TFAP2C: variants seen among roughly 807,000 people sequenced by gnomAD.
The protein encoded by TFAP2C is activating enhancer-binding protein 2 gamma.
A neutral mutation model predicts 42.9 loss-of-function variants in TFAP2C; 9 were observed. The ratio of observed to expected loss-of-function variants is 0.21; its 90% CI spans 0.13 to 0.37. The LOEUF (loss-of-function observed/expected upper bound fraction) is 0.37, where lower values mean the gene tolerates loss of function less well. Among genes scored for constraint, TFAP2C ranks in the 10% least tolerant of loss-of-function variants. The probability of loss-of-function intolerance (pLI) is 1.00; values close to 1 mark genes in which losing one functional copy is unlikely to be tolerated. For missense variants in TFAP2C, 462 were observed against 591.7 expected (o/e 0.78, Z 2.27); for synonymous variants, 264 against 256.0 (o/e 1.03, Z -0.30).
At position 56,638,204 on chromosome 20, in the gene TFAP2C, A is replaced by G. The variant is rs756050991; in HGVS notation, c.*191A>G. ...TTAGTTGTTTCTCTAGCGCTGAGCTATCTCCTAACTTTGGACCTATTATCA... is the reference window on the plus strand; with the variant it reads ...TTAGTTGTTTCTCTAGCGCTGAGCTGTCTCCTAACTTTGGACCTATTATCA... On this transcript the variant is annotated 3_prime_UTR_variant, in exon 7 of 7. Transcript: ENST00000201031. The G allele has an allele frequency of 5.8e-5, 33 of 572,724 alleles. No homozygotes were observed. The highest frequency in any genetic ancestry group is 8.2e-5 in the Non-Finnish European group (27 of 327,648). 35.5% of individuals were successfully genotyped at this position (572,724 alleles called of 1,614,324 possible). A position where few individuals can be genotyped will look rare whatever the true frequency, so the allele number is the denominator to read the frequency against.
rs1987501718 is a variant in TFAP2C, at chr20:56,631,941, G to A, written c.586+85G>A. The A allele has an allele frequency of 6.8e-7, 1 of 1,468,300 alleles. No individual in the cohort carries two copies. The highest frequency in any genetic ancestry group is 1.4e-5 in the African/African-American group (1 of 72,096). The allele number at this position is 1,468,300 out of a possible 1,614,324, so 91.0% of individuals were successfully genotyped here. ...CTGGCAAGGTTGGGGGTATTTGGTG[G>A]CCAGCGTGGGACATTTGTGGTAGAA... On this transcript the variant is annotated intron_variant, in intron 3 of 6. Coordinates refer to ENST00000201031, the MANE Select transcript of TFAP2C (RefSeq NM_003222.4). The surrounding 1 kb of genome is among the most constrained non-coding windows in gnomAD (Gnocchi z 6.1).
chr20:56,633,233 C>T (rs539712483), intron 3 of TFAP2C, 120 bp from the exon 4 acceptor site: 29 of 701,828 alleles, frequency 4.1e-5, no homozygotes, highest in Admixed American at 1.9e-4. Flanking sequence ...TGCAGTTGAT[C>T]GTGGGGTGTG....
rs1987475329 is a variant in TFAP2C at position 56,630,867 on chromosome 20, G to A, written c.49-338G>A. The A allele has an allele frequency of 7.1e-6, 7 of 985,260 alleles. No homozygotes were observed. In the South Asian group the frequency reaches 1.4e-4, roughly 20 times the overall value. 61.0% of individuals were successfully genotyped at this position (985,260 alleles called of 1,614,324 possible). On this transcript the variant is annotated intron_variant, in intron 1 of 6. Coordinates refer to ENST00000201031, the MANE Select transcript of TFAP2C (RefSeq NM_003222.4). This position sits in a 1 kb window ranked among gnomAD's most constrained non-coding sequence, Gnocchi z 5.1. Reference sequence around the variant, plus strand: ...CCGGGCTCTGGCTCCTTCGCCCCGGGCTCCGGCCACGGACTTTTCTGGCCC... The same window carrying A: ...CCGGGCTCTGGCTCCTTCGCCCCGGACTCCGGCCACGGACTTTTCTGGCCC...
chr20:56,632,098 TGAA>T (rs1987504571), intron 3 of TFAP2C, among the ~76,000 whole-genome samples: 1 of 152,216 alleles, frequency 6.6e-6, no homozygotes, highest in Admixed American at 6.5e-5. Flanking sequence ...AAAATGTCCA[TGAA>T]TTCCAGTGGG....
intron 3 of TFAP2C, among the ~76,000 whole-genome samples, chr20:56,632,640 A>G (rs1469027499): frequency 6.6e-6 from 1 of 152,216 alleles, no homozygotes; most frequent in Admixed American, 6.5e-5. Context: ...CTTAGAACGT[A>G]TTAGTTTGGA....
rs775454367 is a variant in TFAP2C at position 56,631,191 on chromosome 20, T to A, written c.49-14T>A. ...CGCACTAACGGGGTCTCCTGTTTTT[T>A]TTTTTCCCTCCAGGATCGCCACGAC... On this transcript the variant is annotated splice_polypyrimidine_tract_variant and intron_variant, in intron 1 of 6. Transcript: ENST00000201031. This position sits in a 1 kb window ranked among gnomAD's most constrained non-coding sequence, Gnocchi z 6.1. 6.7e-7 allele frequency: 1 copy of A among 1,496,666 alleles called. No homozygotes were observed. The highest frequency in any genetic ancestry group is 8.9e-7 in the Non-Finnish European group (1 of 1,126,182). The allele number at this position is 1,496,666 out of a possible 1,614,324, so 92.7% of individuals were successfully genotyped here. A position where few individuals can be genotyped will look rare whatever the true frequency, so the allele number is the denominator to read the frequency against.
In TFAP2C at chr20:56,629,424, C is replaced by T. The variant is rs1987440523; in HGVS notation, c.-121C>T. 1.1e-5 allele frequency: 10 copies of T among 883,648 alleles called. No homozygotes were observed. Among genetic ancestry groups the T allele is most frequent in the Middle Eastern group, 2.6e-4 (1 of 3,832 alleles). 54.7% of individuals were successfully genotyped at this position (883,648 alleles called of 1,614,324 possible). A position where few individuals can be genotyped will look rare whatever the true frequency, so the allele number is the denominator to read the frequency against. On this transcript the variant is annotated 5_prime_UTR_variant, in exon 1 of 7. Transcript: ENST00000201031. The surrounding 1 kb of genome is among the most constrained non-coding windows in gnomAD (Gnocchi z 5.9). Reference sequence around the variant, plus strand: ...GTCCAGTGACCCGGACAGCAAGGCCCGCGCGCGGCGGGGGCGGCGGCAGAC... The same window carrying T: ...GTCCAGTGACCCGGACAGCAAGGCCTGCGCGCGGCGGGGGCGGCGGCAGAC...
Position 56,631,498 on chromosome 20 carries a change from G to A in TFAP2C, c.342G>A (p.Leu114=). The part of the protein sequence containing the change: ...PGRQSQEGAG[L]PSHHGRPAGL... Reference sequence around the variant, plus strand: ...GCCAGAGCCAGGAGGGAGCGGGGCTGCCCTCGCACCACGGGCGCCCGGCCG... The same window carrying A: ...GCCAGAGCCAGGAGGGAGCGGGGCTACCCTCGCACCACGGGCGCCCGGCCG... The change falls in exon 2 of 7, where the codon CTG becomes CTA. Residue 114 remains leucine (L), a synonymous_variant. Coordinates refer to ENST00000201031, the MANE Select transcript of TFAP2C (RefSeq NM_003222.4). The surrounding 1 kb of genome is among the most constrained non-coding windows in gnomAD (Gnocchi z 6.1). The A allele has an allele frequency of 6.6e-7, 1 of 1,507,628 alleles. No individual in the cohort carries two copies. Among genetic ancestry groups the A allele is most frequent in the Non-Finnish European group, 8.8e-7 (1 of 1,134,692 alleles). The allele number at this position is 1,507,628 out of a possible 1,614,324, so 93.4% of individuals were successfully genotyped here.
intron 5 of TFAP2C, among the ~76,000 whole-genome samples, chr20:56,634,813 A>T (rs1344966813): frequency 6.6e-6 from 1 of 152,232 alleles, no homozygotes; most frequent in Non-Finnish European, 1.5e-5. Flanking sequence ...CCCACGCACA[A>T]GTTCCTCTTG....
At chr20:56,634,438 C>G (rs951996496) in intron 5 of TFAP2C, among the ~76,000 whole-genome samples, 170 bp downstream of exon 5, 2 of 152,176 alleles carry the variant, frequency 1.3e-5, no homozygotes, top group South Asian at 2.1e-4. Context: ...TTAATTTTAT[C>G]GAATAAGTTA....
intron 6 of TFAP2C, 114 bp downstream of exon 6, chr20:56,636,868 T>G (rs1987592562): frequency 1.1e-5 from 15 of 1,314,028 alleles, no homozygotes; most frequent in Non-Finnish European, 1.5e-5. Context: ...TGAAATAAAT[T>G]AGGGTGGAGC....
At position 56,629,442 on chromosome 20, in the gene TFAP2C, C is replaced by T. The variant is rs1600895605; in HGVS notation, c.-103C>T. 8 of 1,085,064 alleles carry T rather than the reference C, an allele frequency of 7.4e-6. No homozygotes were observed. Among genetic ancestry groups the T allele is most frequent in the South Asian group, 2.9e-5 (1 of 34,974 alleles). The allele number at this position is 1,085,064 out of a possible 1,614,324, so 67.2% of individuals were successfully genotyped here. A position where few individuals can be genotyped will look rare whatever the true frequency, so the allele number is the denominator to read the frequency against. Reference sequence around the variant, plus strand: ...CAAGGCCCGCGCGCGGCGGGGGCGGCGGCAGACGCCTGGTCACCGTGACCC... The same window carrying T: ...CAAGGCCCGCGCGCGGCGGGGGCGGTGGCAGACGCCTGGTCACCGTGACCC... On this transcript the variant is annotated 5_prime_UTR_variant, in exon 1 of 7. Transcript: ENST00000201031. The surrounding 1 kb of genome is among the most constrained non-coding windows in gnomAD (Gnocchi z 5.9).
chr20:56,630,561 C>T lies in TFAP2C; in HGVS notation c.49-644C>T, dbSNP rs1987468124. Among the ~76,000 whole-genome samples the T allele has an allele frequency of 6.6e-6, 1 of 152,156 alleles. No individual in the cohort carries two copies. Among genetic ancestry groups the T allele is most frequent in the Admixed American group, 6.5e-5 (1 of 15,292 alleles). ...TGCAGGGCGCCCCCACTTATTACTC[C>T]CCTCGGCTGGGCCCGGCCAGCAGGG... On this transcript the variant is annotated intron_variant, in intron 1 of 6. Coordinates refer to ENST00000201031, the MANE Select transcript of TFAP2C (RefSeq NM_003222.4). This position sits in a 1 kb window ranked among gnomAD's most constrained non-coding sequence, Gnocchi z 5.1.
At position 56,630,039 on chromosome 20, in the gene TFAP2C, C is replaced by G. The variant is rs1011060640; in HGVS notation, c.48+447C>G. On this transcript the variant is annotated intron_variant, in intron 1 of 6. Transcript: ENST00000201031. The surrounding 1 kb of genome is among the most constrained non-coding windows in gnomAD (Gnocchi z 5.1). Reference sequence around the variant, plus strand: ...GCCCCGCTACCTCCTCGGGGAAGCACGAAAACAACCGAAGTTTGGCTTTCA... The same window carrying G: ...GCCCCGCTACCTCCTCGGGGAAGCAGGAAAACAACCGAAGTTTGGCTTTCA... 2.0e-5 allele frequency among the ~76,000 whole-genome samples: 3 copies of G among 152,038 alleles called. No individual in the cohort carries two copies. The highest frequency in any genetic ancestry group is 4.4e-5 in the Non-Finnish European group (3 of 68,014).
rs1451503057 is a variant in TFAP2C at position 56,630,057 on chromosome 20, G to C, written c.48+465G>C. Among the ~76,000 whole-genome samples the C allele has an allele frequency of 5.3e-5, 8 of 152,150 alleles. No homozygotes were observed. The highest frequency in any genetic ancestry group is 1.7e-4 in the African/African-American group (7 of 41,452). ...GGAAGCACGAAAACAACCGAAGTTT[G>C]GCTTTCAAAAGAAGTGGGGGCTGGG... is the stretch of plus-strand genomic sequence containing the variant. On this transcript the variant is annotated intron_variant, in intron 1 of 6. Coordinates refer to ENST00000201031, the MANE Select transcript of TFAP2C (RefSeq NM_003222.4). The surrounding 1 kb of genome is among the most constrained non-coding windows in gnomAD (Gnocchi z 5.1).
intron 4 of TFAP2C, 136 bp downstream of exon 4, chr20:56,633,705 TTTC>T: frequency 1.4e-6 from 1 of 689,720 alleles, no homozygotes; most frequent in Non-Finnish European, 2.5e-6. Context: ...TTTTAGTACA[TTTC>T]TTCTCCTTTA....
Position 56,630,345 on chromosome 20 carries a change from A to C in TFAP2C, c.48+753A>C, listed in dbSNP as rs1402455232. On this transcript the variant is annotated intron_variant, in intron 1 of 6. Transcript: ENST00000201031. This position sits in a 1 kb window ranked among gnomAD's most constrained non-coding sequence, Gnocchi z 5.1. Reference sequence around the variant, plus strand: ...GCCCGCAGGCCCGGGCGCTTCCGCCAGGAGGCGACAGCGCCATGTTCCTCC... The same window carrying C: ...GCCCGCAGGCCCGGGCGCTTCCGCCCGGAGGCGACAGCGCCATGTTCCTCC... 2 of 450,164 alleles carry C rather than the reference A, an allele frequency of 4.4e-6. No homozygotes were observed. The highest frequency in any genetic ancestry group is 1.6e-5 in the South Asian group (1 of 63,044). 27.9% of individuals were successfully genotyped at this position (450,164 alleles called of 1,614,324 possible).
In TFAP2C at chr20:56,638,171, T is replaced by C. The variant is rs1168654339; in HGVS notation, c.*158T>C. 1 of 662,040 alleles carries C rather than the reference T, an allele frequency of 1.5e-6. No individual in the cohort carries two copies. Among genetic ancestry groups the C allele is most frequent in the East Asian group, 2.7e-5 (1 of 36,526 alleles). The allele number at this position is 662,040 out of a possible 1,614,324, so 41.0% of individuals were successfully genotyped here. A position where few individuals can be genotyped will look rare whatever the true frequency, so the allele number is the denominator to read the frequency against. On this transcript the variant is annotated 3_prime_UTR_variant, in exon 7 of 7. Transcript: ENST00000201031. ...TCACTGGTTCTGCATCACCCGCCCC[T>C]GGACTTCTTAGTTGTTTCTCTAGCG... is the stretch of plus-strand genomic sequence containing the variant.
intron 5 of TFAP2C, 111 bp downstream of exon 5, chr20:56,634,379 G>C: frequency 2.7e-6 from 2 of 736,478 alleles, no homozygotes; most frequent in Non-Finnish European, 4.7e-6. Flanking sequence ...TGCAAGTAGA[G>C]ATGAAAGCAA....
Sources: gnomAD v4.1 joint callset for allele counts (sites outside exome capture counted in the v4.1 genomes callset) on GRCh38, gnomAD v4.1.1 for gene constraint, Gnocchi (gnomAD v3.1) non-coding constraint, MANE v1.5 for transcripts, NCBI Gene and HGNC (gene_info 2026-07-23, HGNC 2026-07-21) for gene names.